CDH2: variants seen among roughly 807,000 people sequenced by gnomAD.
CDH2 encodes cadherin 2.
In CDH2, 17 loss-of-function variants were observed where a neutral mutation model predicts 92.0. That is an observed-to-expected ratio of 0.18 (90% CI 0.13 to 0.28). CDH2 has a LOEUF of 0.28. CDH2 is among the 10% of genes least tolerant of loss of function. The pLI is 1.00. For missense variants in CDH2, 862 were observed against 1,133.1 expected (o/e 0.76, Z 3.44); for synonymous variants, 419 against 415.9 (o/e 1.01, Z -0.09).
intron 15 of CDH2, among the ~76,000 whole-genome samples, chr18:27,957,642 C>CACA (rs2011285536): frequency 6.6e-6 from 1 of 152,102 alleles, no homozygotes; most frequent in South Asian, 2.1e-4. Context: ...CACTGTCCAA[C>CACA]ACACTGCCTG....
intron 14 of CDH2, among the ~76,000 whole-genome samples, chr18:27,968,697 C>T (rs2011586606): frequency 6.6e-6 from 1 of 152,264 alleles, no homozygotes; most frequent in South Asian, 2.1e-4. Flanking sequence ...TCAAGTGGAA[C>T]ATTTTCCTTT....
At chr18:28,176,907 C>G (rs2016553502) in intron 1 of CDH2, 56 bp downstream of exon 1, 3 of 1,079,804 alleles carry the variant, frequency 2.8e-6, no homozygotes, top group South Asian at 7.5e-5. Context: ...ACAAAGGGAC[C>G]CGGCGCCGCC....
intron 2 of CDH2, among the ~76,000 whole-genome samples, chr18:28,081,260 C>T (rs1417265430): frequency 1.3e-5 from 2 of 152,170 alleles, no homozygotes; most frequent in Non-Finnish European, 2.9e-5. Flanking sequence ...AAATTGTTTA[C>T]TTATGTTAGT....
At chr18:28,028,232 A>G (rs983688562) in intron 2 of CDH2, among the ~76,000 whole-genome samples, 1 of 152,140 alleles carries the variant, frequency 6.6e-6, no homozygotes, top group East Asian at 1.9e-4. Flanking sequence ...AAAATGTGCT[A>G]CAGAAACCAT....
intron 2 of CDH2, among the ~76,000 whole-genome samples, chr18:28,028,614 A>G (rs1211177545): frequency 6.6e-6 from 1 of 152,160 alleles, no homozygotes; most frequent in Non-Finnish European, 1.5e-5. Context: ...ATTTACCATC[A>G]TAATACATAA....
intron 2 of CDH2, among the ~76,000 whole-genome samples, chr18:28,062,109 C>CA (rs1005566747): frequency 5.3e-5 from 8 of 152,262 alleles, no homozygotes; most frequent in African/African-American, 1.9e-4. Context: ...ATTCCTGGTT[C>CA]AAAATCATTT....
intron 1 of CDH2, among the ~76,000 whole-genome samples, chr18:28,165,263 A>G (rs2144360122): frequency 6.6e-6 from 1 of 152,240 alleles, no homozygotes; most frequent in Non-Finnish European, 1.5e-5. Flanking sequence ...GCTCACTGTA[A>G]CCTTGAACTA....
intron 2 of CDH2, among the ~76,000 whole-genome samples, chr18:28,134,955 G>A (rs112507574): frequency 5.3e-5 from 8 of 152,260 alleles, no homozygotes; most frequent in East Asian, 1.9e-4. Context: ...AGAAGCAGCC[G>A]TTCTGAGAAG....
chr18:28,007,165 A>AAAAAAAAAATATATATATAT (rs1172779200), intron 5 of CDH2, among the ~76,000 whole-genome samples: 3 of 110,500 alleles, frequency 2.7e-5, no homozygotes, highest in African/African-American at 1.3e-4. Flanking sequence ...ATAAAAAAAA[A>AAAAAAAAAATATATATATAT]ATATATATAT....
At chr18:28,101,416 T>A (rs572796438) in intron 2 of CDH2, among the ~76,000 whole-genome samples, 60 of 152,246 alleles carry the variant, frequency 3.9e-4, no homozygotes, top group Admixed American at 1.6e-3. Flanking sequence ...CATAATGAAG[T>A]TAGTGGTGAA....
intron 1 of CDH2, among the ~76,000 whole-genome samples, chr18:28,154,369 G>C (rs1020994870): frequency 1.3e-5 from 2 of 152,186 alleles, no homozygotes; most frequent in African/African-American, 4.8e-5. Flanking sequence ...GCTGGTCAGA[G>C]GATCTGAACT....
At chr18:28,020,608 T>TTA (rs1461702169) in intron 2 of CDH2, among the ~76,000 whole-genome samples, 1 of 151,998 alleles carries the variant, frequency 6.6e-6, no homozygotes, top group African/African-American at 2.4e-5. Context: ...TCAACTTTTA[T>TTA]TTTTCAAAAT....
chr18:28,083,043 A>G (rs1364245133), intron 2 of CDH2, among the ~76,000 whole-genome samples: 1 of 152,180 alleles, frequency 6.6e-6, no homozygotes, highest in African/African-American at 2.4e-5. Flanking sequence ...TTGATATTCA[A>G]TTTCCTGCCT....
At position 28,002,364 on chromosome 18, in the gene CDH2, G is replaced by T. The variant is rs1481123932; in HGVS notation, c.1020+633C>A. 2.6e-5 allele frequency among the ~76,000 whole-genome samples: 4 copies of T among 152,194 alleles called. No individual in the cohort carries two copies. The East Asian group carries it at 5.8e-4, about 22-fold the overall frequency. On this transcript the variant is annotated intron_variant, in intron 7 of 15. Coordinates refer to ENST00000269141, the MANE Select transcript of CDH2 (RefSeq NM_001792.5). ...CCATCTCAGACTGTGATACTGCATA[G>T]TATTTCAATGCCTTCAACATTGCAT...
At chr18:28,102,097 C>CTTT (rs1314927579) in intron 2 of CDH2, among the ~76,000 whole-genome samples, 1 of 152,098 alleles carries the variant, frequency 6.6e-6, no homozygotes, top group African/African-American at 2.4e-5. Flanking sequence ...GGAGCAGAAA[C>CTTT]TTTGTCTCCT....
intron 14 of CDH2, 31 bp downstream of exon 14, chr18:27,982,913 T>C (rs763049316): frequency 1.3e-5 from 19 of 1,477,320 alleles, no homozygotes; most frequent in Non-Finnish European, 1.7e-5. Context: ...GATCATAAAA[T>C]TTATTTTTAA....
intron 11 of CDH2, among the ~76,000 whole-genome samples, chr18:27,986,258 A>T (rs1307396381): frequency 6.6e-6 from 1 of 152,188 alleles, no homozygotes; most frequent in Non-Finnish European, 1.5e-5. Flanking sequence ...ACAGACCTCA[A>T]CTCAGGAAGG....
intron 5 of CDH2, among the ~76,000 whole-genome samples, chr18:28,007,118 C>T (rs949129427): frequency 1.4e-5 from 2 of 144,484 alleles, no homozygotes; most frequent in African/African-American, 2.6e-5. Context: ...TGAGATCATG[C>T]CACTGCACTC....
At position 28,003,049 on chromosome 18, in the gene CDH2, A is replaced by G. The variant is rs1182264806; in HGVS notation, c.968T>C (p.Ile323Thr). Reference sequence around the variant, plus strand: ...GATGATGTCACCAGTCTCATTGTTGATTGTAAACATGTTGGGTGAAGGGGT... The same window carrying G: ...GATGATGTCACCAGTCTCATTGTTGGTTGTAAACATGTTGGGTGAAGGGGT... ...PSTPSPNMFT[I>T]NNETGDIITV... Residue 323 changes from isoleucine to threonine, a missense_variant, in exon 7 of 16, where the codon ATC becomes ACC. Physicochemically the swap from Ile to Thr is moderately conservative, Grantham distance 89 (BLOSUM62 -1). This residue lies in a region of CDH2 where 564 missense variants were observed against 722.2 expected (regional missense o/e 0.78). Coordinates refer to ENST00000269141, the MANE Select transcript of CDH2 (RefSeq NM_001792.5). 6.2e-7 allele frequency: 1 copy of G among 1,614,082 alleles called. No individual in the cohort carries two copies. Among genetic ancestry groups the G allele is most frequent in the Admixed American group, 1.7e-5 (1 of 60,018 alleles).
Sources: gnomAD v4.1 joint callset for allele counts (sites outside exome capture counted in the v4.1 genomes callset) on GRCh38, gnomAD v4.1.1 for gene constraint, gnomAD v4.1.1 regional missense constraint, MANE v1.5 for transcripts, NCBI Gene and HGNC (gene_info 2026-07-23, HGNC 2026-07-21) for gene names.